SYT14: variants seen among roughly 807,000 people sequenced by gnomAD.
SYT14 encodes synaptotagmin 14, also known as synaptotagmin-14.
In SYT14, 32 loss-of-function variants were observed where a neutral mutation model predicts 74.2. That is an observed-to-expected ratio of 0.43 (90% CI 0.33 to 0.58). The LOEUF (loss-of-function observed/expected upper bound fraction) is 0.58, where lower values mean the gene tolerates loss of function less well. SYT14 is among the 20% of genes least tolerant of loss of function. SYT14 has a pLI of 0.05. For synonymous variants in SYT14, 298 were observed against 337.7 expected (o/e 0.88, Z 1.29); for missense variants, 791 against 981.8 (o/e 0.81, Z 2.60).
chr1:210,016,786 G>A, exon 4 of SYT14: 1 of 1,231,718 alleles, frequency 8.1e-7, no homozygotes, highest in Non-Finnish European at 1.0e-6. Context: ...ATCATTTAAA[G>A]AAAGCTGAAA....
intron 5 of SYT14, among the ~76,000 whole-genome samples, chr1:210,077,155 G>A (rs145519769): frequency 7.2e-5 from 11 of 152,254 alleles, no homozygotes; most frequent in African/African-American, 1.4e-4. Context: ...CTCGGCTTCT[G>A]GGGAGGCTTC....
exon 10 of SYT14, chr1:210,168,671 T>C (rs1420713823): frequency 6.6e-6 from 1 of 152,200 alleles, no homozygotes; most frequent in African/African-American, 2.4e-5. Flanking sequence ...TTACTGCTTC[T>C]CTTTGCCATT....
intron 5 of SYT14, among the ~76,000 whole-genome samples, chr1:210,059,720 T>C (rs1234571956): frequency 1.3e-5 from 2 of 152,106 alleles, no homozygotes; most frequent in East Asian, 3.9e-4. Flanking sequence ...GATAGCCTGA[T>C]ATGGCTTTCT....
chr1:209,995,245 A>G (rs2079766923), intron 2 of SYT14, among the ~76,000 whole-genome samples: 1 of 152,174 alleles, frequency 6.6e-6, no homozygotes, highest in Non-Finnish European at 1.5e-5. Context: ...CTTCAACAGA[A>G]CCATCTCACC....
intron 2 of SYT14, among the ~76,000 whole-genome samples, chr1:209,998,432 C>A (rs2079836341): frequency 6.6e-6 from 1 of 152,012 alleles, no homozygotes; most frequent in South Asian, 2.1e-4. Context: ...TCATTTTTAA[C>A]AGAAATAGAG....
chr1:210,151,504 G>GCCC (rs140800804), intron 7 of SYT14, among the ~76,000 whole-genome samples: 11,641 of 119,546 alleles, frequency 0.097, 841 homozygotes, highest in Non-Finnish European at 0.14. Flanking sequence ...ATAGGCGAAT[G>GCCC]CCCCCCCCCT....
rs202104805 is a variant in SYT14, at chr1:210,006,365, T to C, written c.-485-7268T>C. The stretch of plus-strand genomic sequence containing the variant: ...AACTGAAACATACTAACCTTCTGTT[T>C]TCCTAAATTATCTCTTAGAATTATG... On this transcript the variant is annotated intron_variant, in intron 2 of 9. Transcript: ENST00000637265. 6.6e-5 allele frequency among the ~76,000 whole-genome samples: 10 copies of C among 152,122 alleles called. No individual in the cohort carries two copies. The East Asian group carries it at 1.9e-3, about 29-fold the overall frequency.
At chr1:210,121,804 A>C (rs2082472558) in intron 7 of SYT14, among the ~76,000 whole-genome samples, 1 of 151,884 alleles carries the variant, frequency 6.6e-6, no homozygotes, top group South Asian at 2.1e-4. Flanking sequence ...AAAAAAAAAA[A>C]AAAGAAGAAA....
chr1:209,949,307 G>A (rs11119373), intron 1 of SYT14, among the ~76,000 whole-genome samples: 7,593 of 152,178 alleles, frequency 0.05, 1,023 homozygotes, highest in East Asian at 0.41. Flanking sequence ...GGGCGTGGTG[G>A]CTCATGCCTG....
At chr1:209,967,625 T>C (rs2079175701) in intron 2 of SYT14, among the ~76,000 whole-genome samples, 1 of 152,132 alleles carries the variant, frequency 6.6e-6, no homozygotes, top group East Asian at 1.9e-4. Flanking sequence ...TTTTTTATCC[T>C]ATTAATATCT....
intron 7 of SYT14, among the ~76,000 whole-genome samples, chr1:210,142,622 A>G (rs1302031218): frequency 1.3e-5 from 2 of 152,158 alleles, no homozygotes; most frequent in Admixed American, 6.5e-5. Context: ...AGTTAAGGAA[A>G]ACTAAGAACG....
chr1:209,996,274 T>C (rs2079789315), intron 2 of SYT14, among the ~76,000 whole-genome samples: 1 of 151,922 alleles, frequency 6.6e-6, no homozygotes, highest in Non-Finnish European at 1.5e-5. Context: ...GATGGCAGTA[T>C]AACTGATCCC....
chr1:210,130,447 A>G (rs2082651018), intron 7 of SYT14, among the ~76,000 whole-genome samples: 1 of 152,210 alleles, frequency 6.6e-6, no homozygotes, highest in Non-Finnish European at 1.5e-5. Flanking sequence ...GTTTATTTAA[A>G]CAAAGTTTAT....
intron 3 of SYT14, 86 bp downstream of exon 3, chr1:210,013,883 G>A: frequency 7.4e-7 from 1 of 1,350,318 alleles, no homozygotes; most frequent in Non-Finnish European, 1.0e-6. Flanking sequence ...TAAAAAGGTT[G>A]GTTGTGACAT....
chr1:210,138,009 A>AT (rs1201822924), intron 7 of SYT14, among the ~76,000 whole-genome samples: 1 of 152,200 alleles, frequency 6.6e-6, no homozygotes, highest in East Asian at 1.9e-4. Context: ...AAAATGGTAA[A>AT]TAAAAAAAAA....
intron 7 of SYT14, among the ~76,000 whole-genome samples, chr1:210,136,932 G>A (rs2082798958): frequency 6.6e-6 from 1 of 152,140 alleles, no homozygotes; most frequent in Non-Finnish European, 1.5e-5. Flanking sequence ...CTGTGAGCCA[G>A]GTGGAATTCT....
In SYT14 at chr1:210,102,286, C is replaced by T. The variant is rs75621172; in HGVS notation, c.2034+1825C>T. Reference sequence around the variant, plus strand: ...CCCTCTGATAGGCCCCATTGTCTGTCGTTCTCCTCTAAAGATGTAACATTT... The same window carrying T: ...CCCTCTGATAGGCCCCATTGTCTGTTGTTCTCCTCTAAAGATGTAACATTT... On this transcript the variant is annotated intron_variant, in intron 7 of 9. Transcript: ENST00000637265. Among the ~76,000 whole-genome samples the T allele has an allele frequency of 8.7e-3, 1,328 of 152,174 alleles. 20 individuals are homozygous for T. Among genetic ancestry groups the T allele is most frequent in the African/African-American group, 0.03 (1,233 of 41,514 alleles).
At chr1:210,074,008 G>A (rs2081443519) in intron 5 of SYT14, among the ~76,000 whole-genome samples, 1 of 152,050 alleles carries the variant, frequency 6.6e-6, no homozygotes, top group Non-Finnish European at 1.5e-5. Context: ...ATTTTTTATG[G>A]TTTAACAGGG....
At chr1:210,127,570 A>G (rs6689269) in intron 7 of SYT14, among the ~76,000 whole-genome samples, 20,953 of 152,208 alleles carry the variant, frequency 0.14, 4,636 homozygotes, top group African/African-American at 0.47. Context: ...GAGCAGGCAA[A>G]CAACAGTGTT....
Sources: allele counts gnomAD v4.1 joint callset (sites outside exome capture counted in the v4.1 genomes callset), GRCh38; gene constraint gnomAD v4.1.1; transcripts MANE v1.5; gene names NCBI Gene and HGNC (gene_info 2026-07-23, HGNC 2026-07-21).